The following LDLRAD3 variants were observed in gnomAD, a reference collection of about 807,000 sequenced individuals.
The protein encoded by LDLRAD3 is low density lipoprotein receptor class A domain containing 3.
In LDLRAD3, 20 loss-of-function variants were observed where a neutral mutation model predicts 29.4. The observed-to-expected ratio is 0.68, with a 90% CI of 0.48 to 0.99. The LOEUF is 0.99. Ranked by LOEUF, LDLRAD3 falls within the 50% of genes least tolerant of loss-of-function variation. The probability of loss-of-function intolerance (pLI) is 0.00; values close to 1 mark genes in which losing one functional copy is unlikely to be tolerated. For missense variants in LDLRAD3, 420 were observed against 454.3 expected (o/e 0.92, Z 0.69); for synonymous variants, 157 against 192.7 (o/e 0.81, Z 1.53).
intron 5 of LDLRAD3, among the ~76,000 whole-genome samples, chr11:36,228,044 A>C (rs1202980227): frequency 1.3e-5 from 2 of 152,092 alleles, no homozygotes; most frequent in African/African-American, 2.4e-5. Context: ...TTGTACAAGA[A>C]CTCCCAGTAT....
At chr11:35,963,269 T>A (rs1315421875) in intron 1 of LDLRAD3, among the ~76,000 whole-genome samples, 1 of 152,106 alleles carries the variant, frequency 6.6e-6, no homozygotes, top group Non-Finnish European at 1.5e-5. Flanking sequence ...AAACTTACAT[T>A]TTTTTAATAT....
intron 3 of LDLRAD3, among the ~76,000 whole-genome samples, chr11:36,088,267 G>A (rs1317821311): frequency 6.6e-6 from 1 of 151,734 alleles, no homozygotes; most frequent in East Asian, 1.9e-4. Flanking sequence ...GTCCTCATAC[G>A]TTCTTGGCTG....
chr11:36,123,158 G>T (rs1853784901), intron 4 of LDLRAD3, among the ~76,000 whole-genome samples: 1 of 152,150 alleles, frequency 6.6e-6, no homozygotes, highest in African/African-American at 2.4e-5. Flanking sequence ...CTGCATTCCA[G>T]CCTGGGCGAC....
chr11:36,006,219 G>A (rs1851883361), intron 1 of LDLRAD3, among the ~76,000 whole-genome samples: 1 of 152,048 alleles, frequency 6.6e-6, no homozygotes, highest in Non-Finnish European at 1.5e-5. Flanking sequence ...AAATTATGTG[G>A]GCGCCATAGT....
chr11:35,990,046 G>A (rs1023327232), intron 1 of LDLRAD3, among the ~76,000 whole-genome samples: 1 of 152,126 alleles, frequency 6.6e-6, no homozygotes, highest in African/African-American at 2.4e-5. Flanking sequence ...CAGCCTAGGG[G>A]CCTGATTCCT....
At chr11:36,140,616 T>G (rs1440858351) in intron 4 of LDLRAD3, among the ~76,000 whole-genome samples, 1 of 152,030 alleles carries the variant, frequency 6.6e-6, no homozygotes, top group East Asian at 1.9e-4. Flanking sequence ...AGATGGGGTC[T>G]CTCCACGTTG....
At chr11:36,007,902 T>C (rs1851904980) in intron 1 of LDLRAD3, among the ~76,000 whole-genome samples, 1 of 152,128 alleles carries the variant, frequency 6.6e-6, no homozygotes, top group Admixed American at 6.5e-5. Flanking sequence ...GGCTATGTTT[T>C]TGTGGCCAGA....
At chr11:36,051,116 T>A (rs1213060030) in intron 2 of LDLRAD3, among the ~76,000 whole-genome samples, 1 of 152,068 alleles carries the variant, frequency 6.6e-6, no homozygotes, top group Non-Finnish European at 1.5e-5. Flanking sequence ...CATTGCAGGG[T>A]GGAAGGACTT....
At chr11:36,144,462 G>C (rs11488788) in intron 4 of LDLRAD3, among the ~76,000 whole-genome samples, 48,903 of 144,186 alleles carry the variant, frequency 0.34, 9,027 homozygotes, top group East Asian at 0.58. Context: ...CTGCCCGGCC[G>C]CCATCCCATC....
intron 4 of LDLRAD3, among the ~76,000 whole-genome samples, chr11:36,189,750 C>T (rs540570901): frequency 6.6e-6 from 1 of 152,130 alleles, no homozygotes; most frequent in South Asian, 2.1e-4. Context: ...CACAACAGGC[C>T]CCACTGTGTG....
chr11:36,110,382 G>A (rs1017973107), intron 4 of LDLRAD3, among the ~76,000 whole-genome samples: 1 of 152,088 alleles, frequency 6.6e-6, no homozygotes, highest in Non-Finnish European at 1.5e-5. Flanking sequence ...GGTGAATGGC[G>A]GAGTCCATCC....
chr11:36,207,365 C>T (rs1855224706), intron 4 of LDLRAD3, among the ~76,000 whole-genome samples: 1 of 152,300 alleles, frequency 6.6e-6, no homozygotes, highest in East Asian at 1.9e-4. Context: ...TTTCCATCAT[C>T]TTTCATTAAT....
intron 4 of LDLRAD3, among the ~76,000 whole-genome samples, chr11:36,162,771 A>G (rs1418113175): frequency 1.3e-5 from 2 of 152,190 alleles, no homozygotes; most frequent in African/African-American, 4.8e-5. Flanking sequence ...TTGATTTGCA[A>G]TGGAAATGCC....
At chr11:36,004,344 C>T (rs958212604) in intron 1 of LDLRAD3, among the ~76,000 whole-genome samples, 5 of 152,154 alleles carry the variant, frequency 3.3e-5, no homozygotes, top group Non-Finnish European at 7.3e-5. Flanking sequence ...CTGTAGTCCC[C>T]ACACAAGTCT....
chr11:36,016,485 T>C (rs1852023728), intron 1 of LDLRAD3, among the ~76,000 whole-genome samples: 1 of 150,854 alleles, frequency 6.6e-6, no homozygotes, highest in Non-Finnish European at 1.5e-5. Flanking sequence ...TGTTTCTTAA[T>C]GTTAAAGGAA....
chr11:36,166,267 C>G (rs1387754490), intron 4 of LDLRAD3, among the ~76,000 whole-genome samples: 1 of 152,110 alleles, frequency 6.6e-6, no homozygotes, highest in Non-Finnish European at 1.5e-5. Context: ...TGCTCCATGT[C>G]AACATGAGTT....
chr11:36,194,810 G>T (rs528701322), intron 4 of LDLRAD3, among the ~76,000 whole-genome samples: 1 of 152,322 alleles, frequency 6.6e-6, no homozygotes, highest in African/African-American at 2.4e-5. Flanking sequence ...TACTAGATTT[G>T]TGGAGATTTG....
At chr11:36,128,368 G>A (rs1853873405) in intron 4 of LDLRAD3, among the ~76,000 whole-genome samples, 1 of 151,974 alleles carries the variant, frequency 6.6e-6, no homozygotes, top group African/African-American at 2.4e-5. Flanking sequence ...CCTTGTGCTG[G>A]ATGCTTCAAC....
At chr11:36,160,805 G>A (rs560128194) in intron 4 of LDLRAD3, among the ~76,000 whole-genome samples, 17 of 152,050 alleles carry the variant, frequency 1.1e-4, no homozygotes, top group South Asian at 8.3e-4. Flanking sequence ...TTTTTTTGGC[G>A]TGGGGAGGGA....
Sources: gnomAD v4.1 joint callset for allele counts (sites outside exome capture counted in the v4.1 genomes callset) on GRCh38, gnomAD v4.1.1 for gene constraint, MANE v1.5 for transcripts, NCBI Gene and HGNC (gene_info 2026-07-23, HGNC 2026-07-21) for gene names.